Variants in MAP3K4 observed in about 807,000 individuals in gnomAD.
MAP3K4 encodes the protein MAP three kinase 1.
In MAP3K4, 67 loss-of-function variants were observed where a neutral mutation model predicts 185.6. The ratio of observed to expected loss-of-function variants is 0.36; its 90% CI spans 0.30 to 0.44. MAP3K4 has a LOEUF of 0.44. MAP3K4 is among the 20% of genes least tolerant of loss of function. MAP3K4 has a pLI of 1.00. For missense variants in MAP3K4, 1,551 were observed against 1,995.1 expected, an observed-to-expected ratio of 0.78 and a Z score of 4.24; for synonymous variants, 702 against 710.4, an observed-to-expected ratio of 0.99 and a Z score of 0.19.
At position 161,082,553 on chromosome 6, in the gene MAP3K4, T is replaced by C. The variant is rs775670848; in HGVS notation, c.2255+1515T>C. On this transcript the variant is annotated intron_variant, in intron 6 of 26. Coordinates refer to ENST00000392142, the MANE Select transcript of MAP3K4 (RefSeq NM_005922.4). This position sits in a 1 kb window ranked among gnomAD's most constrained non-coding sequence, Gnocchi z 4.2. ...CCCCCTTCTTGTGAACAGTCCACTT[T>C]TATTCTAGTTCTGGACTCCACTGCA... Among the ~76,000 whole-genome samples the C allele has an allele frequency of 6.6e-6, 1 of 152,062 alleles. No homozygotes were observed. The highest frequency in any genetic ancestry group is 1.5e-5 in the Non-Finnish European group (1 of 68,042).
chr6:161,076,251 G>C lies in MAP3K4; in HGVS notation c.2097+2639G>C, dbSNP rs924455500. Among the ~76,000 whole-genome samples, 27 of 152,214 alleles carry C rather than the reference G, an allele frequency of 1.8e-4. No individual in the cohort carries two copies. The highest frequency in any genetic ancestry group is 1.0e-3 in the Admixed American group (16 of 15,282). ...GACAGCCATGACCGAAGCTGAGCCTGTCTCTCCAGGGATTCTGTTGTTGAC... is the reference window on the plus strand; with the variant it reads ...GACAGCCATGACCGAAGCTGAGCCTCTCTCTCCAGGGATTCTGTTGTTGAC... On this transcript the variant is annotated intron_variant, in intron 5 of 26. Coordinates refer to ENST00000392142, the MANE Select transcript of MAP3K4 (RefSeq NM_005922.4). This position sits in a 1 kb window ranked among gnomAD's most constrained non-coding sequence, Gnocchi z 4.2.
chr6:161,087,670 G>GGATTAT lies in MAP3K4; in HGVS notation c.2557-16_2557-11dup. On this transcript the variant is annotated splice_polypyrimidine_tract_variant and intron_variant, in intron 9 of 26. Coordinates refer to ENST00000392142, the MANE Select transcript of MAP3K4 (RefSeq NM_005922.4). The surrounding 1 kb of genome is among the most constrained non-coding windows in gnomAD (Gnocchi z 4.9). ...AATGTACAGTGTTCCTTAAGATTTT[G>GGATTAT]GATTATGTCTTTTGCAGGTGCAAAT... The GGATTAT allele has an allele frequency of 6.2e-7, 1 of 1,612,586 alleles. No homozygotes were observed. The highest frequency in any genetic ancestry group is 8.5e-7 in the Non-Finnish European group (1 of 1,179,624).
rs543033897 is a variant in MAP3K4, at chr6:161,100,129, C to A, written c.3674+1702C>A. ...GTGTGGGGTGGTTACCAGACTCCCT[C>A]CTGCATTCAAGCCCTGCGTAAGCCT... On this transcript the variant is annotated intron_variant, in intron 17 of 26. Transcript: ENST00000392142. This position sits in a 1 kb window ranked among gnomAD's most constrained non-coding sequence, Gnocchi z 5.8. 4.7e-4 allele frequency among the ~76,000 whole-genome samples: 72 copies of A among 152,342 alleles called. 1 individual carries two copies. The highest frequency in any genetic ancestry group is 1.5e-3 in the African/African-American group (62 of 41,584).
rs1318168022 is a variant in MAP3K4, at chr6:161,067,151, A to G, written c.1708-3457A>G. ...GACACAGCCTCAGGACGTCCTGACT[A>G]TGTGTGCCCAAGGTGGTCAGGGCAC... On this transcript the variant is annotated intron_variant, in intron 3 of 26. Transcript: ENST00000392142. This position sits in a 1 kb window ranked among gnomAD's most constrained non-coding sequence, Gnocchi z 6.3. The G allele has an allele frequency of 3.2e-5, 9 of 278,064 alleles. No individual in the cohort carries two copies. The East Asian group carries it at 3.6e-4, about 11-fold the overall frequency. 17.2% of individuals were successfully genotyped at this position (278,064 alleles called of 1,614,324 possible).
In MAP3K4 at chr6:161,098,325, CTG is replaced by C; in HGVS notation, c.3573_3574del (p.Ala1192CysfsTer19). 6.6e-7 allele frequency: 1 copy of C among 1,506,110 alleles called. No homozygotes were observed. Among genetic ancestry groups the C allele is most frequent in the Non-Finnish European group, 9.1e-7 (1 of 1,098,080 alleles). The allele number at this position is 1,506,110 out of a possible 1,614,324, so 93.3% of individuals were successfully genotyped here. A position where few individuals can be genotyped will look rare whatever the true frequency, so the allele number is the denominator to read the frequency against. On this transcript the variant is annotated frameshift_variant, in exon 17 of 27. Coordinates refer to ENST00000392142, the MANE Select transcript of MAP3K4 (RefSeq NM_005922.4). LOFTEE classifies it high-confidence loss of function. The surrounding 1 kb of genome is among the most constrained non-coding windows in gnomAD (Gnocchi z 4.4). ...GCGCGGAGCCATGGCAGCCCTGCTG[CTG>C]CTGCTGCTGCTGCTGCTGCTGCTGT...
intron 3 of MAP3K4, among the ~76,000 whole-genome samples, chr6:161,066,825 T>A (rs1784734331): frequency 6.6e-6 from 1 of 152,208 alleles, no homozygotes; most frequent in Non-Finnish European, 1.5e-5. Flanking sequence ...TTGCACTTTT[T>A]TGAGAACTAG....
At chr6:160,997,961 A>G (rs1781083260) in intron 1 of MAP3K4, among the ~76,000 whole-genome samples, 1 of 152,202 alleles carries the variant, frequency 6.6e-6, no homozygotes, top group African/African-American at 2.4e-5. Flanking sequence ...CTGGTCTCAG[A>G]GAGTGATGTT....
intron 5 of MAP3K4, among the ~76,000 whole-genome samples, chr6:161,078,361 G>A (rs1400055433): frequency 6.6e-6 from 1 of 152,210 alleles, no homozygotes; most frequent in Non-Finnish European, 1.5e-5. Flanking sequence ...GGGCTGCAGG[G>A]TGCAGGCAGC....
rs1355413738 is a variant in MAP3K4, at chr6:161,107,094, GA to G, written c.4048+391del. 6.6e-6 allele frequency among the ~76,000 whole-genome samples: 1 copy of G among 150,796 alleles called. No homozygotes were observed. The highest frequency in any genetic ancestry group is 2.5e-5 in the African/African-American group (1 of 40,544). On this transcript the variant is annotated intron_variant, in intron 20 of 26. Transcript: ENST00000392142. The surrounding 1 kb of genome is among the most constrained non-coding windows in gnomAD (Gnocchi z 6.2). ...CACACACACACGCAGAACGTGATTTGAAGAGAGACTGGATACAAATGAGGGC... is the reference window on the plus strand; with the variant it reads ...CACACACACACGCAGAACGTGATTTGAGAGAGACTGGATACAAATGAGGGC...
At chr6:161,046,779 A>G (rs948563399) in intron 2 of MAP3K4, among the ~76,000 whole-genome samples, 1 of 151,030 alleles carries the variant, frequency 6.6e-6, no homozygotes, top group South Asian at 2.1e-4. Context: ...TTGGTTTGTA[A>G]CCCATGTAAA....
chr6:161,098,116 T>G lies in MAP3K4; in HGVS notation c.3525-162T>G, dbSNP rs1044406823. 1 of 850,904 alleles carries G rather than the reference T, an allele frequency of 1.2e-6. No homozygotes were observed. Among genetic ancestry groups the G allele is most frequent in the Non-Finnish European group, 1.8e-6 (1 of 556,996 alleles). 52.7% of individuals were successfully genotyped at this position (850,904 alleles called of 1,614,324 possible). A position where few individuals can be genotyped will look rare whatever the true frequency, so the allele number is the denominator to read the frequency against. On this transcript the variant is annotated intron_variant, in intron 16 of 26. Transcript: ENST00000392142. The surrounding 1 kb of genome is among the most constrained non-coding windows in gnomAD (Gnocchi z 4.4). ...AAAAGAAAAGCTTTGAAGTTAGGTTTTTTCTTTTTTACACCTAGACTCAAA... is the reference window on the plus strand; with the variant it reads ...AAAAGAAAAGCTTTGAAGTTAGGTTGTTTCTTTTTTACACCTAGACTCAAA...
chr6:160,992,089 T>C lies in MAP3K4; in HGVS notation c.152+6T>C. On this transcript the variant is annotated splice_donor_region_variant and intron_variant, in intron 1 of 26. Transcript: ENST00000392142. ...GAGTGCTGCTTGGCGGCGAGGTGAG[T>C]GTGGCGGCCGCAGTCGGTCGCTCGC... is the stretch of plus-strand genomic sequence containing the variant. The C allele has an allele frequency of 6.4e-7, 1 of 1,554,022 alleles. No homozygotes were observed. The highest frequency in any genetic ancestry group is 1.2e-5 in the South Asian group (1 of 84,688).
intron 1 of MAP3K4, among the ~76,000 whole-genome samples, chr6:160,995,169 T>G (rs1287329513): frequency 2.0e-5 from 3 of 152,240 alleles, no homozygotes; most frequent in Non-Finnish European, 2.9e-5. Flanking sequence ...TATCTCATTG[T>G]GGTTTTAATT....
chr6:161,048,739 A>C lies in MAP3K4; in HGVS notation c.467A>C (p.Asp156Ala). The C allele has an allele frequency of 6.2e-7, 1 of 1,614,114 alleles. No individual in the cohort carries two copies. Among genetic ancestry groups the C allele is most frequent in the Non-Finnish European group, 8.5e-7 (1 of 1,180,010 alleles). The change falls in exon 3 of 27, where the codon GAT (aspartate) becomes GCT (alanine). Residue 156 changes from aspartate (D) to alanine (A), a missense_variant. Coordinates refer to ENST00000392142, the MANE Select transcript of MAP3K4 (RefSeq NM_005922.4). The surrounding 1 kb of genome is among the most constrained non-coding windows in gnomAD (Gnocchi z 4.7). ...GCAGCTCTTAGAACAACAGAGCGTGATCGTAAAAAAAATGTACAGTGCTCA... is the reference window on the plus strand; with the variant it reads ...GCAGCTCTTAGAACAACAGAGCGTGCTCGTAAAAAAAATGTACAGTGCTCA... ...IRAALRTTER[D>A]RKKNVQCSFM...
At position 161,101,917 on chromosome 6, in the gene MAP3K4, C is replaced by T. The variant is rs1777855377; in HGVS notation, c.3700C>T (p.Arg1234Ter). The T allele has an allele frequency of 6.2e-7, 1 of 1,613,858 alleles. No homozygotes were observed. Among genetic ancestry groups the T allele is most frequent in the Non-Finnish European group, 8.5e-7 (1 of 1,179,920 alleles). ...TRGSSVPEND[R>*]LASIAAELQF... ...GGGTTCCAGCGTTCCTGAAAATGAT[C>T]GATTGGCTTCCATAGCTGCTGAATT... Residue 1234 changes from arginine to a stop codon, truncating the protein, a stop_gained, in exon 18 of 27, where the codon CGA becomes TGA. Coordinates refer to ENST00000392142, the MANE Select transcript of MAP3K4 (RefSeq NM_005922.4). LOFTEE classifies it high-confidence loss of function. This position sits in a 1 kb window ranked among gnomAD's most constrained non-coding sequence, Gnocchi z 5.1.
chr6:161,110,659 G>C lies in MAP3K4; in HGVS notation c.4396+745G>C, dbSNP rs1778305318. Among the ~76,000 whole-genome samples the C allele has an allele frequency of 6.6e-6, 1 of 152,150 alleles. No individual in the cohort carries two copies. Among genetic ancestry groups the C allele is most frequent in the African/African-American group, 2.4e-5 (1 of 41,410 alleles). ...AGGAACCGACCTGACTTCTGACCAG[G>C]GACAAGACCCAGTGTGGGAGGTTAT... On this transcript the variant is annotated intron_variant, in intron 23 of 26. Transcript: ENST00000392142. The surrounding 1 kb of genome is among the most constrained non-coding windows in gnomAD (Gnocchi z 4.8).
intron 3 of MAP3K4, among the ~76,000 whole-genome samples, chr6:161,066,370 A>G (rs1438254801): frequency 2.0e-5 from 3 of 149,346 alleles, no homozygotes; most frequent in East Asian, 2.0e-4. Context: ...TCTGACTTCC[A>G]TGTCTCTTGT....
chr6:161,015,991 A>G (rs1052337630), intron 1 of MAP3K4, among the ~76,000 whole-genome samples: 1 of 152,180 alleles, frequency 6.6e-6, no homozygotes, highest in African/African-American at 2.4e-5. Flanking sequence ...TGGTTATTAT[A>G]AATAATACTG....
Position 161,115,309 on chromosome 6 carries a change from C to A in MAP3K4, c.4806+7C>A, listed in dbSNP as rs1227720741. ...CGACCATTCGTTTGTCAAGGTTTGG[C>A]AGATTACTGGATAGTCTTTTTCATG... On this transcript the variant is annotated splice_region_variant and intron_variant, in intron 26 of 26. Coordinates refer to ENST00000392142, the MANE Select transcript of MAP3K4 (RefSeq NM_005922.4). The surrounding 1 kb of genome is among the most constrained non-coding windows in gnomAD (Gnocchi z 6.0). 1 of 1,610,026 alleles carries A rather than the reference C, an allele frequency of 6.2e-7. No individual in the cohort carries two copies. Among genetic ancestry groups the A allele is most frequent in the African/African-American group, 1.3e-5 (1 of 74,808 alleles).
Sources: allele counts gnomAD v4.1 joint callset (sites outside exome capture counted in the v4.1 genomes callset), GRCh38; gene constraint gnomAD v4.1.1; non-coding constraint Gnocchi (gnomAD v3.1); transcripts MANE v1.5; gene names NCBI Gene and HGNC (gene_info 2026-07-23, HGNC 2026-07-21).